The following KCNQ1 variants were observed in gnomAD, a reference collection of about 807,000 sequenced individuals.
KCNQ1 encodes the protein potassium voltage-gated channel subfamily KQT member 1.
In KCNQ1, 49 loss-of-function variants were observed where a neutral mutation model predicts 72.4. That is an observed-to-expected ratio of 0.68 (90% CI 0.54 to 0.86). KCNQ1 has a LOEUF of 0.86. KCNQ1 is among the 40% of genes least tolerant of loss of function. KCNQ1 has a pLI of 0.00. For synonymous variants in KCNQ1, 450 were observed against 412.6 expected, an observed-to-expected ratio of 1.09 and a Z score of -1.10; for missense variants, 790 against 945.1, an observed-to-expected ratio of 0.84 and a Z score of 2.15.
chr11:2,456,773 A>T (rs1201404114), intron 1 of KCNQ1, among the ~76,000 whole-genome samples: 2 of 99,366 alleles, frequency 2.0e-5, no homozygotes, highest in African/African-American at 1.1e-4. Flanking sequence ...TCCAAAAAAA[A>T]AAAAAAAAAA....
At chr11:2,741,289 G>A (rs1470906364) in intron 11 of KCNQ1, among the ~76,000 whole-genome samples, 4 of 152,340 alleles carry the variant, frequency 2.6e-5, no homozygotes, top group East Asian at 3.9e-4. Context: ...CTGAGTGACT[G>A]TGTGGCCCAG....
intron 10 of KCNQ1, chr11:2,632,492 G>A (rs1447628192): frequency 5.0e-6 from 2 of 398,108 alleles, no homozygotes; most frequent in Non-Finnish European, 8.9e-6. Flanking sequence ...GCTCCTTGTG[G>A]GTTTTTCTTC....
intron 11 of KCNQ1, among the ~76,000 whole-genome samples, chr11:2,765,300 T>G (rs1846477041): frequency 6.6e-6 from 1 of 152,260 alleles, no homozygotes; most frequent in South Asian, 2.1e-4. Context: ...ACATGGAGAT[T>G]CCCTAGTTAT....
chr11:2,740,604 T>G (rs1163416132), intron 11 of KCNQ1, among the ~76,000 whole-genome samples: 1 of 152,204 alleles, frequency 6.6e-6, no homozygotes, highest in African/African-American at 2.4e-5. Context: ...GTTAGTTTCC[T>G]GTGGCTGCTG....
chr11:2,500,340 A>G (rs1265202109), intron 1 of KCNQ1, among the ~76,000 whole-genome samples: 6 of 152,248 alleles, frequency 3.9e-5, no homozygotes, highest in African/African-American at 1.4e-4. Flanking sequence ...ATCTCACACC[A>G]GTTAGAATGG....
At position 2,664,606 on chromosome 11, in the gene KCNQ1, A is replaced by G. The variant is rs1356209373; in HGVS notation, c.1514+2525A>G. ...GGCTGCATTCCTCCACCTCCTGCACAGCCCGCCCAGTGATGCCCATAATTA... is the reference window on the plus strand; with the variant it reads ...GGCTGCATTCCTCCACCTCCTGCACGGCCCGCCCAGTGATGCCCATAATTA... On this transcript the variant is annotated intron_variant, in intron 11 of 15. Coordinates refer to ENST00000155840, the MANE Select transcript of KCNQ1 (RefSeq NM_000218.3). This position sits in a 1 kb window ranked among gnomAD's most constrained non-coding sequence, Gnocchi z 5.1. 4 of 398,588 alleles carry G rather than the reference A, an allele frequency of 1.0e-5. No homozygotes were observed. The highest frequency in any genetic ancestry group is 1.8e-5 in the Non-Finnish European group (4 of 226,168). The allele number at this position is 398,588 out of a possible 1,614,324, so 24.7% of individuals were successfully genotyped here.
chr11:2,548,874 C>A (rs113678955), intron 2 of KCNQ1, among the ~76,000 whole-genome samples: 1 of 152,184 alleles, frequency 6.6e-6, no homozygotes, highest in African/African-American at 2.4e-5. Context: ...TCGCCATTGT[C>A]GACTTTGGGG....
intron 2 of KCNQ1, among the ~76,000 whole-genome samples, chr11:2,553,163 T>G (rs928367250): frequency 1.7e-5 from 2 of 120,786 alleles, no homozygotes; most frequent in African/African-American, 3.8e-5. Flanking sequence ...GTTTTTTTTG[T>G]TTTTTTTTTT....
intron 15 of KCNQ1, among the ~76,000 whole-genome samples, chr11:2,804,245 C>T (rs1847331511): frequency 6.6e-6 from 1 of 152,310 alleles, no homozygotes; most frequent in Middle Eastern, 3.4e-3. Flanking sequence ...TCCACCGAGC[C>T]CTGCAAATGC....
rs944345904 is a variant in KCNQ1, at chr11:2,818,458, G to A, written c.1795-29309G>A. 6.6e-6 allele frequency among the ~76,000 whole-genome samples: 1 copy of A among 152,212 alleles called. No individual in the cohort carries two copies. ...TGCCAAGAGGCCTTCCTCAGAGGAA[G>A]AGCAAGGGTAGGTGCCTCTGGCATG... On this transcript the variant is annotated intron_variant, in intron 15 of 15. Coordinates refer to ENST00000155840, the MANE Select transcript of KCNQ1 (RefSeq NM_000218.3). The surrounding 1 kb of genome is among the most constrained non-coding windows in gnomAD (Gnocchi z 7.2).
chr11:2,705,970 T>A (rs975554990), intron 11 of KCNQ1, among the ~76,000 whole-genome samples: 1 of 151,968 alleles, frequency 6.6e-6, no homozygotes, highest in African/African-American at 2.4e-5. Context: ...GCAGTAAAGG[T>A]CCTTAGAGAA....
intron 1 of KCNQ1, among the ~76,000 whole-genome samples, chr11:2,501,248 T>G (rs1241292179): frequency 2.6e-4 from 2 of 7,798 alleles, no homozygotes; most frequent in Non-Finnish European, 6.1e-4. Flanking sequence ...AAAAAGTTGG[T>G]TTTTTTTTTA....
At chr11:2,833,218 C>T (rs1276523772) in intron 15 of KCNQ1, among the ~76,000 whole-genome samples, 3 of 152,148 alleles carry the variant, frequency 2.0e-5, no homozygotes, top group South Asian at 2.1e-4. Context: ...GGGGCCCACG[C>T]GCCAGGGCAG....
rs1198372648 is a variant in KCNQ1, at chr11:2,493,457, A to G, written c.387-34471A>G. 1.3e-5 allele frequency among the ~76,000 whole-genome samples: 2 copies of G among 152,188 alleles called. No individual in the cohort carries two copies. Among genetic ancestry groups the G allele is most frequent in the East Asian group, 3.9e-4 (2 of 5,180 alleles). On this transcript the variant is annotated intron_variant, in intron 1 of 15. Transcript: ENST00000155840. The surrounding 1 kb of genome is among the most constrained non-coding windows in gnomAD (Gnocchi z 5.3). ...ATGTCCTGAATGGTATTGCCTGGGTATTCTTCTAGGGTTTCCGTGGTTTTA... is the reference window on the plus strand; with the variant it reads ...ATGTCCTGAATGGTATTGCCTGGGTGTTCTTCTAGGGTTTCCGTGGTTTTA...
chr11:2,488,939 T>C lies in KCNQ1; in HGVS notation c.387-38989T>C, dbSNP rs1007558074. 6.6e-6 allele frequency among the ~76,000 whole-genome samples: 1 copy of C among 152,224 alleles called. No homozygotes were observed. The highest frequency in any genetic ancestry group is 1.5e-5 in the Non-Finnish European group (1 of 68,040). ...CCTTAAGTGGTAAAGTTAGGTTATTTACTGGAGATCTTTCTTGTTTATTAA... is the reference window on the plus strand; with the variant it reads ...CCTTAAGTGGTAAAGTTAGGTTATTCACTGGAGATCTTTCTTGTTTATTAA... On this transcript the variant is annotated intron_variant, in intron 1 of 15. Transcript: ENST00000155840. This position sits in a 1 kb window ranked among gnomAD's most constrained non-coding sequence, Gnocchi z 5.1.
chr11:2,754,554 G>A (rs992199805), intron 11 of KCNQ1, among the ~76,000 whole-genome samples: 1 of 152,230 alleles, frequency 6.6e-6, no homozygotes, highest in Non-Finnish European at 1.5e-5. Flanking sequence ...CAGTGGACAA[G>A]ACAGAGAGCC....
intron 11 of KCNQ1, among the ~76,000 whole-genome samples, chr11:2,705,370 A>G (rs555680625): frequency 1.1e-4 from 17 of 152,244 alleles, no homozygotes; most frequent in African/African-American, 4.1e-4. Flanking sequence ...TGCTCAGCCA[A>G]GCCTTGATTA....
rs566897112 is a variant in KCNQ1, at chr11:2,613,652, T to C, written c.1393+24798T>C. The C allele has an allele frequency of 2.5e-6, 1 of 398,618 alleles. No homozygotes were observed. Among genetic ancestry groups the C allele is most frequent in the African/African-American group, 2.1e-5 (1 of 48,758 alleles). The allele number at this position is 398,618 out of a possible 1,614,324, so 24.7% of individuals were successfully genotyped here. On this transcript the variant is annotated intron_variant, in intron 10 of 15. Transcript: ENST00000155840. The surrounding 1 kb of genome is among the most constrained non-coding windows in gnomAD (Gnocchi z 4.8). ...TTTTCAGGGAGTGGTTATATCAAGG[T>C]GCTCATTCCACCACCTCAGAAGTGG...
intron 11 of KCNQ1, among the ~76,000 whole-genome samples, chr11:2,747,388 TGG>T (rs1846157615): frequency 6.6e-6 from 1 of 152,140 alleles, no homozygotes; most frequent in African/African-American, 2.4e-5. Flanking sequence ...GACTGGGGCC[TGG>T]GGGTGGCCCC....
Sources: allele counts gnomAD v4.1 joint callset (sites outside exome capture counted in the v4.1 genomes callset), GRCh38; gene constraint gnomAD v4.1.1; non-coding constraint Gnocchi (gnomAD v3.1); transcripts MANE v1.5; gene names NCBI Gene and HGNC (gene_info 2026-07-23, HGNC 2026-07-21).